The following SLC2A9 variants were observed in gnomAD, a reference collection of about 807,000 sequenced individuals.
SLC2A9 encodes solute carrier family 2 member 9.
In SLC2A9, 39 loss-of-function variants were observed where a neutral mutation model predicts 50.6. The observed-to-expected ratio is 0.77, with a 90% confidence interval of 0.60 to 1.01. The LOEUF is 1.01. Ranked by LOEUF, SLC2A9 falls within the 50% of genes least tolerant of loss-of-function variation. The pLI is 0.00. For synonymous variants in SLC2A9, 324 were observed against 276.9 expected, an observed-to-expected ratio of 1.17 and a Z score of -1.69; for missense variants, 686 against 677.6, an observed-to-expected ratio of 1.01 and a Z score of -0.14.
chr4:9,890,676 G>A lies in SLC2A9; in HGVS notation c.1149C>T (p.Leu383=). The change falls in exon 9 of 12, where the codon CTC becomes CTT. Residue 383 remains leucine, a synonymous_variant. Coordinates refer to ENST00000264784, the MANE Select transcript of SLC2A9 (RefSeq NM_020041.3). The stretch of plus-strand genomic sequence containing the variant: ...CCATGAGCCCAAAGCCACCAATGAG[G>A]AGGGGTCTCCGTCCCAGGTGCTCAA... ...LVIEHLGRRP[L]LIGGFGLMGL... 1.2e-6 allele frequency: 2 copies of A among 1,614,134 alleles called. No homozygotes were observed. Among genetic ancestry groups the A allele is most frequent in the Non-Finnish European group, 1.7e-6 (2 of 1,180,020 alleles).
intron 10 of SLC2A9, among the ~76,000 whole-genome samples, chr4:9,867,235 T>C (rs1235639155): frequency 6.6e-6 from 1 of 152,204 alleles, no homozygotes; most frequent in Non-Finnish European, 1.5e-5. Context: ...TCAGCTTCCA[T>C]AAGAGCTTGG....
intron 5 of SLC2A9, among the ~76,000 whole-genome samples, chr4:9,977,515 C>A (rs1222299879): frequency 1.3e-5 from 2 of 151,724 alleles, no homozygotes; most frequent in Non-Finnish European, 2.9e-5. Flanking sequence ...TGCTGCCTGC[C>A]TTGCCAGCGG....
intron 8 of SLC2A9, among the ~76,000 whole-genome samples, chr4:9,892,159 G>A (rs896891672): frequency 1.3e-5 from 2 of 152,242 alleles, no homozygotes; most frequent in Non-Finnish European, 2.9e-5. Context: ...GGGCAGAGCC[G>A]GCACTGAGGG....
intron 6 of SLC2A9, among the ~76,000 whole-genome samples, chr4:9,938,137 C>T (rs185599792): frequency 7.2e-5 from 11 of 152,110 alleles, no homozygotes; most frequent in Non-Finnish European, 1.0e-4. Flanking sequence ...AGCAGATACA[C>T]GATTACTTAT....
downstream of SLC2A9, among the ~76,000 whole-genome samples, chr4:9,778,178 C>T (rs575579421): frequency 6.6e-5 from 10 of 151,232 alleles, no homozygotes; most frequent in Non-Finnish European, 1.0e-4. Context: ...GGTGCGATCT[C>T]GGCTCACTGC....
intron 10 of SLC2A9, among the ~76,000 whole-genome samples, chr4:9,836,856 G>A (rs2109169438): frequency 6.6e-6 from 1 of 152,306 alleles, no homozygotes; most frequent in East Asian, 1.9e-4. Context: ...GAGATGAAAG[G>A]AAGGGTCTGA....
At chr4:9,877,504 G>A (rs1413629291) in intron 10 of SLC2A9, among the ~76,000 whole-genome samples, 3 of 152,250 alleles carry the variant, frequency 2.0e-5, no homozygotes, top group African/African-American at 7.2e-5. Context: ...AAGGGATCAT[G>A]TATGAACAAT....
At chr4:10,033,971 C>T (rs952699285) in intron 1 of SLC2A9, among the ~76,000 whole-genome samples, 1 of 152,208 alleles carries the variant, frequency 6.6e-6, no homozygotes, top group African/African-American at 2.4e-5. Flanking sequence ...CCCCTTTTCT[C>T]CTACTCTGTC....
intron 1 of SLC2A9, among the ~76,000 whole-genome samples, chr4:10,038,431 C>A (rs1764175005): frequency 7.0e-6 from 1 of 142,000 alleles, no homozygotes; most frequent in Non-Finnish European, 1.5e-5. Context: ...CACTTAAACC[C>A]AGGAGATGGA....
In SLC2A9 at chr4:9,826,553, GATACAAATT is replaced by G. The variant is rs1725163772; in HGVS notation, c.1458_1466del (p.Ile487_Ile489del). The G allele has an allele frequency of 6.2e-7, 1 of 1,613,954 alleles. No individual in the cohort carries two copies. The highest frequency in any genetic ancestry group is 1.7e-5 in the Admixed American group (1 of 59,996). On this transcript the variant is annotated inframe_deletion, in exon 12 of 12. Transcript: ENST00000264784. ...CAAAATACAGGTAGATAGCACCTGT[GATACAAATT>G]GTAGCAAAGACTAGGAAACAGTAGG...
At chr4:9,875,974 C>T (rs114420705) in intron 10 of SLC2A9, among the ~76,000 whole-genome samples, 20 of 152,256 alleles carry the variant, frequency 1.3e-4, no homozygotes, top group African/African-American at 4.3e-4. Flanking sequence ...GTTGAATTTG[C>T]CTGTTTGGTT....
At chr4:9,856,179 C>T (rs895297195) in intron 10 of SLC2A9, among the ~76,000 whole-genome samples, 1 of 152,154 alleles carries the variant, frequency 6.6e-6, no homozygotes, top group Admixed American at 6.5e-5. Flanking sequence ...AAACATACAA[C>T]CCAGAGTATG....
Position 10,013,233 on chromosome 4 carries a change from G to C in SLC2A9, c.249+5742C>G, listed in dbSNP as rs574309580. ...GGACTGAAGATCTTTCTTCAGTGCT[G>C]CCATAACCAGGGATGCTGCCATAAA... On this transcript the variant is annotated intron_variant, in intron 2 of 11. Transcript: ENST00000264784. Among the ~76,000 whole-genome samples the C allele has an allele frequency of 1.4e-4, 21 of 152,332 alleles. 1 individual carries two copies. Among genetic ancestry groups the C allele is most frequent in the Non-Finnish European group, 2.9e-5 (2 of 68,028 alleles).
At chr4:9,955,758 C>T (rs1276600031) in intron 5 of SLC2A9, among the ~76,000 whole-genome samples, 1 of 151,564 alleles carries the variant, frequency 6.6e-6, no homozygotes, top group African/African-American at 2.4e-5. Flanking sequence ...GCGGACACCT[C>T]TGTCTCTCAA....
chr4:9,994,753 T>C (rs530621203), intron 3 of SLC2A9, among the ~76,000 whole-genome samples: 78 of 151,976 alleles, frequency 5.1e-4, no homozygotes, highest in Middle Eastern at 3.2e-3. Flanking sequence ...GTGTTCCTTT[T>C]CCTATTCCAT....
In SLC2A9 at chr4:9,894,590, A is replaced by T. The variant is rs574132447; in HGVS notation, c.1114-3879T>A. ...ATGTCTTTATTCTTTCCAAATCACCAAATATTTCCAATACCCATACTGGCA... is the reference window on the plus strand; with the variant it reads ...ATGTCTTTATTCTTTCCAAATCACCTAATATTTCCAATACCCATACTGGCA... On this transcript the variant is annotated intron_variant, in intron 8 of 11. Transcript: ENST00000264784. 6.6e-5 allele frequency among the ~76,000 whole-genome samples: 10 copies of T among 152,340 alleles called. No individual in the cohort carries two copies. The East Asian group carries it at 1.9e-3, about 29-fold the overall frequency.
chr4:9,984,732 G>T (rs1288878629), intron 4 of SLC2A9, among the ~76,000 whole-genome samples: 1 of 152,152 alleles, frequency 6.6e-6, no homozygotes, highest in African/African-American at 2.4e-5. Context: ...CCCCTTCTCT[G>T]CAGCTCCCCA....
At chr4:9,906,198 A>G (rs557407796) in intron 8 of SLC2A9, among the ~76,000 whole-genome samples, 1 of 152,216 alleles carries the variant, frequency 6.6e-6, no homozygotes, top group Non-Finnish European at 1.5e-5. Flanking sequence ...AGTCACAGAG[A>G]TGCTGAATAA....
intron 2 of SLC2A9, among the ~76,000 whole-genome samples, chr4:10,012,583 C>A (rs769420452): frequency 6.6e-6 from 1 of 152,012 alleles, no homozygotes; most frequent in Non-Finnish European, 1.5e-5. Flanking sequence ...AGGGCTAAAG[C>A]GTGATGGAGG....
Sources: gnomAD v4.1 joint callset for allele counts (sites outside exome capture counted in the v4.1 genomes callset) on GRCh38, gnomAD v4.1.1 for gene constraint, MANE v1.5 for transcripts, NCBI Gene and HGNC (gene_info 2026-07-23, HGNC 2026-07-21) for gene names.